PARD3B: variants seen among roughly 807,000 people sequenced by gnomAD.
The protein encoded by PARD3B is partitioning defective 3 homolog B.
A neutral mutation model predicts 130.2 loss-of-function variants in PARD3B; 103 were observed. The ratio of observed to expected loss-of-function variants is 0.79; its 90% CI spans 0.67 to 0.93. PARD3B has a LOEUF of 0.93. Among genes scored for constraint, PARD3B ranks in the 40% least tolerant of loss-of-function variants. PARD3B has a pLI of 0.00. For synonymous variants in PARD3B, 583 were observed against 553.2 expected, an observed-to-expected ratio of 1.05 and a Z score of -0.76; for missense variants, 1,609 against 1,499.2, an observed-to-expected ratio of 1.07 and a Z score of -1.21.
At chr2:205,316,623 A>G (rs1329909659) in intron 18 of PARD3B, among the ~76,000 whole-genome samples, 3 of 152,204 alleles carry the variant, frequency 2.0e-5, no homozygotes, top group Admixed American at 1.3e-4. Flanking sequence ...ATTAGCAGTG[A>G]AAATAGGATT....
Position 204,545,856 on chromosome 2 carries a change from A to G in PARD3B, c.-144A>G, listed in dbSNP as rs2125035966. 1.1e-6 allele frequency: 1 copy of G among 876,698 alleles called. No homozygotes were observed. The highest frequency in any genetic ancestry group is 4.2e-5 in the Admixed American group (1 of 23,580). The allele number at this position is 876,698 out of a possible 1,614,324, so 54.3% of individuals were successfully genotyped here. On this transcript the variant is annotated 5_prime_UTR_variant, in exon 1 of 23. Transcript: ENST00000406610. ...GCCAGGTGGAAGGGGCGCTGCCGCG[A>G]GCCTCCGGGCCTCAGGGTGTTCCGG...
chr2:205,125,629 C>T lies in PARD3B; in HGVS notation c.1326C>T (p.Thr442=), dbSNP rs2276676. ...ATTAGGTAAATGGGAGAGATGTCAC[C>T]GGACGAACCCAGGAAGAGCTTGTGG... ...RILEVNGRDV[T]GRTQEELVAM... is the part of the protein sequence containing the mutation. Residue 442 remains threonine (T), a synonymous_variant, in exon 10 of 23, where the codon ACC becomes ACT. Coordinates refer to ENST00000406610, the MANE Select transcript of PARD3B (RefSeq NM_001302769.2). The surrounding 1 kb of genome is among the most constrained non-coding windows in gnomAD (Gnocchi z 4.0). The T allele has an allele frequency of 0.32, 522,356 of 1,613,302 alleles. 88,326 individuals are homozygous for T. The highest frequency in any genetic ancestry group is 0.52 in the Admixed American group (31,110 of 59,956).
intron 22 of PARD3B, among the ~76,000 whole-genome samples, chr2:205,588,661 A>G (rs1468147671): frequency 6.6e-6 from 1 of 152,232 alleles, no homozygotes; most frequent in Non-Finnish European, 1.5e-5. Flanking sequence ...AGATGTGTAC[A>G]TTTGTAAAAC....
At chr2:205,429,500 G>T (rs1462460530) in intron 19 of PARD3B, among the ~76,000 whole-genome samples, 1 of 152,144 alleles carries the variant, frequency 6.6e-6, no homozygotes, top group Admixed American at 6.6e-5. Context: ...ATCAGTGAAA[G>T]AAATGATTAA....
intron 2 of PARD3B, among the ~76,000 whole-genome samples, chr2:204,738,484 T>C (rs1235067443): frequency 6.6e-6 from 1 of 152,206 alleles, no homozygotes; most frequent in Non-Finnish European, 1.5e-5. Flanking sequence ...TTTATATTTT[T>C]GCGTAATAAA....
intron 2 of PARD3B, among the ~76,000 whole-genome samples, chr2:204,773,337 A>C (rs1319759167): frequency 6.6e-6 from 1 of 152,000 alleles, no homozygotes. Flanking sequence ...ACATTTTTGC[A>C]AAAACAATGC....
intron 2 of PARD3B, among the ~76,000 whole-genome samples, chr2:204,897,838 T>G (rs2046695986): frequency 1.3e-5 from 2 of 150,852 alleles, no homozygotes; most frequent in African/African-American, 2.4e-5. Context: ...GCAGCAACTG[T>G]GAGCAGAGAA....
chr2:205,406,751 A>G (rs1014354505), intron 19 of PARD3B, among the ~76,000 whole-genome samples: 9 of 145,322 alleles, frequency 6.2e-5, no homozygotes, highest in Non-Finnish European at 1.0e-4. Context: ...GCTCACTGCA[A>G]CCTCCACCTC....
Position 205,366,312 on chromosome 2 carries a change from C to CTA in PARD3B, c.2631-34700_2631-34699dup, listed in dbSNP as rs1432771263. Among the ~76,000 whole-genome samples the CTA allele has an allele frequency of 1.3e-5, 2 of 152,152 alleles. No individual in the cohort carries two copies. The highest frequency in any genetic ancestry group is 2.4e-5 in the African/African-American group (1 of 41,426). On this transcript the variant is annotated intron_variant, in intron 18 of 22. Coordinates refer to ENST00000406610, the MANE Select transcript of PARD3B (RefSeq NM_001302769.2). The surrounding 1 kb of genome is among the most constrained non-coding windows in gnomAD (Gnocchi z 5.0). ...ATTTTTCCTGAATAACCTCAATAGA[C>CTA]TAATAATCAAGTGTTGACTCAGCTC... is the stretch of plus-strand genomic sequence containing the variant.
chr2:205,332,225 C>T (rs1301960284), intron 18 of PARD3B, among the ~76,000 whole-genome samples: 1 of 152,210 alleles, frequency 6.6e-6, no homozygotes, highest in African/African-American at 2.4e-5. Context: ...ACCCTTTTCT[C>T]ACATCATCTT....
intron 18 of PARD3B, among the ~76,000 whole-genome samples, chr2:205,320,958 A>G (rs1273809093): frequency 6.6e-6 from 1 of 152,050 alleles, no homozygotes; most frequent in East Asian, 1.9e-4. Flanking sequence ...AAATACATAC[A>G]CTCAGGGTTT....
intron 10 of PARD3B, among the ~76,000 whole-genome samples, chr2:205,141,738 T>A (rs759366760): frequency 2.0e-5 from 3 of 152,210 alleles, no homozygotes; most frequent in Non-Finnish European, 4.4e-5. Context: ...AAATATATTA[T>A]CTAATGTTCC....
At chr2:204,660,891 G>A (rs1047864645) in intron 1 of PARD3B, among the ~76,000 whole-genome samples, 3 of 152,134 alleles carry the variant, frequency 2.0e-5, no homozygotes, top group Non-Finnish European at 4.4e-5. Context: ...ATGCAGTGTG[G>A]CTTTGTGAGT....
intron 1 of PARD3B, among the ~76,000 whole-genome samples, chr2:204,569,681 T>G (rs189141593): frequency 1.4e-4 from 21 of 152,352 alleles, no homozygotes; most frequent in African/African-American, 5.1e-4. Flanking sequence ...ATTTTAGATC[T>G]TCCCTTTGGT....
At chr2:204,658,673 A>G (rs1387194004) in intron 1 of PARD3B, among the ~76,000 whole-genome samples, 2 of 152,158 alleles carry the variant, frequency 1.3e-5, no homozygotes, top group Non-Finnish European at 2.9e-5. Context: ...GTTATTTACC[A>G]TATAGATGTT....
intron 19 of PARD3B, among the ~76,000 whole-genome samples, chr2:205,406,450 A>T (rs890523598): frequency 6.6e-6 from 1 of 152,088 alleles, no homozygotes; most frequent in Non-Finnish European, 1.5e-5. Flanking sequence ...TAATGAAATG[A>T]TTACATTTAG....
At chr2:204,655,572 C>G (rs568188173) in intron 1 of PARD3B, among the ~76,000 whole-genome samples, 2 of 152,208 alleles carry the variant, frequency 1.3e-5, no homozygotes, top group South Asian at 4.2e-4. Flanking sequence ...ATGTATTAAG[C>G]ATGTTTATAG....
intron 21 of PARD3B, among the ~76,000 whole-genome samples, chr2:205,514,615 TAG>T (rs1370003146): frequency 3.6e-4 from 18 of 50,166 alleles, no homozygotes; most frequent in Non-Finnish European, 1.3e-3. Flanking sequence ...AATATAAAGA[TAG>T]ATACAGACAC....
At chr2:204,596,803 A>G (rs1197725178) in intron 1 of PARD3B, among the ~76,000 whole-genome samples, 1 of 151,836 alleles carries the variant, frequency 6.6e-6, no homozygotes, top group African/African-American at 2.4e-5. Flanking sequence ...TGGCACATGC[A>G]TTTACTCAGG....
Sources: allele counts gnomAD v4.1 joint callset (sites outside exome capture counted in the v4.1 genomes callset), GRCh38; gene constraint gnomAD v4.1.1; non-coding constraint Gnocchi (gnomAD v3.1); transcripts MANE v1.5; gene names NCBI Gene and HGNC (gene_info 2026-07-23, HGNC 2026-07-21).